ERICH1: variants seen among roughly 807,000 people sequenced by gnomAD.
The protein encoded by ERICH1 is glutamate-rich protein 1.
A neutral mutation model predicts 39.6 loss-of-function variants in ERICH1; 56 were observed. That is an observed-to-expected ratio of 1.41 (90% CI 1.14 to 1.77). The LOEUF (loss-of-function observed/expected upper bound fraction) is 1.77, where lower values mean the gene tolerates loss of function less well. ERICH1 is among the 40% of genes most tolerant of loss of function. The pLI is 0.00. For missense variants in ERICH1, 826 were observed against 575.4 expected, an observed-to-expected ratio of 1.44 and a Z score of -4.45; for synonymous variants, 313 against 223.6, an observed-to-expected ratio of 1.40 and a Z score of -3.57.
chr8:687,459 C>T (rs1305247229), intron 3 of ERICH1, among the ~76,000 whole-genome samples: 3 of 152,246 alleles, frequency 2.0e-5, no homozygotes, highest in Admixed American at 6.5e-5. Flanking sequence ...GACGGTCTGG[C>T]ACAACAAACG....
rs1450646877 is a variant in ERICH1, at chr8:729,563, G to T, written c.22+1577C>A. Among the ~76,000 whole-genome samples, 4 of 152,322 alleles carry T rather than the reference G, an allele frequency of 2.6e-5. No homozygotes were observed. In the South Asian group the frequency reaches 6.2e-4, roughly 24 times the overall value. On this transcript the variant is annotated intron_variant, in intron 1 of 5. Coordinates refer to ENST00000262109, the MANE Select transcript of ERICH1 (RefSeq NM_207332.3). The stretch of plus-strand genomic sequence containing the variant: ...CTCAGAGCCTAAGTGCCACTCAGCC[G>T]ATGGGCTCTTCAGGTGATCTTGAGG...
chr8:658,976 A>C, intron 3 of ERICH1, among the ~76,000 whole-genome samples: 1 of 152,248 alleles, frequency 6.6e-6, no homozygotes, highest in Admixed American at 6.5e-5. Context: ...TCATCTTGGT[A>C]GGGTCCCCAC....
intron 3 of ERICH1, among the ~76,000 whole-genome samples, chr8:689,175 G>C (rs1306436266): frequency 6.6e-6 from 1 of 152,030 alleles, no homozygotes; most frequent in Admixed American, 6.5e-5. Context: ...GCAGTGGTAT[G>C]ATCTCGGCTC....
intron 3 of ERICH1, chr8:615,287 G>A: frequency 1.4e-6 from 1 of 691,074 alleles, no homozygotes. Context: ...TAGGACTCCT[G>A]GAAAATCAGG....
chr8:661,030 C>G (rs1311058616), downstream of ERICH1, among the ~76,000 whole-genome samples: 2 of 152,166 alleles, frequency 1.3e-5, no homozygotes, highest in East Asian at 1.9e-4. Flanking sequence ...GGACCAAAGC[C>G]CTAAGTAACC....
intron 5 of ERICH1, among the ~76,000 whole-genome samples, chr8:665,413 C>G (rs1202078547): frequency 6.6e-6 from 1 of 152,214 alleles, no homozygotes; most frequent in East Asian, 1.9e-4. Flanking sequence ...CTTGTCCGGG[C>G]ACCAAATGTT....
At chr8:622,096 C>T (rs922073663) in intron 3 of ERICH1, among the ~76,000 whole-genome samples, 2 of 152,096 alleles carry the variant, frequency 1.3e-5, no homozygotes, top group Non-Finnish European at 2.9e-5. Flanking sequence ...GGCATGTGCA[C>T]CTGTAGTCTT....
Position 644,421 on chromosome 8 carries a change from C to T in ERICH1, c.976+24177G>A, listed in dbSNP as rs1487066770. ...AGGAAGATTCTTTAGTGAGATTTTA[C>T]TATGAAAGAGGAGACTTACCCGTGA... is the stretch of plus-strand genomic sequence containing the variant. On this transcript the variant is annotated intron_variant, in intron 3 of 3. Transcript: ENST00000522706. Among the ~76,000 whole-genome samples the T allele has an allele frequency of 7.9e-4, 12 of 15,226 alleles. 3 individuals carry two copies. Among genetic ancestry groups the T allele is most frequent in the African/African-American group, 1.4e-3 (12 of 8,774 alleles). 10.0% of individuals were successfully genotyped at this position (15,226 alleles called of 152,430 possible). A position where few individuals can be genotyped will look rare whatever the true frequency, so the allele number is the denominator to read the frequency against.
chr8:708,681 G>GTTTTTTGTTTTT lies in ERICH1; in HGVS notation c.169+7179_169+7180insAAAAACAAAAAA. Among the ~76,000 whole-genome samples, 40 of 65,774 alleles carry GTTTTTTGTTTTT rather than the reference G, an allele frequency of 6.1e-4. 2 individuals are homozygous for GTTTTTTGTTTTT. Among genetic ancestry groups the GTTTTTTGTTTTT allele is most frequent in the Non-Finnish European group, 8.9e-4 (30 of 33,646 alleles). The allele number at this position is 65,774 out of a possible 152,430, so 43.2% of individuals were successfully genotyped here. ...GGGCTGAGTGGTTACGGGATAATGAGTTTTTTTTTTTTTTTTTTTTTTTTT... is the reference window on the plus strand; with the variant it reads ...GGGCTGAGTGGTTACGGGATAATGAGTTTTTTGTTTTTTTTTTTTTTTTTTTTTTTTTTTTTT... On this transcript the variant is annotated intron_variant, in intron 2 of 5. Coordinates refer to ENST00000262109, the MANE Select transcript of ERICH1 (RefSeq NM_207332.3).
chr8:705,739 G>T (rs1813124662), intron 2 of ERICH1, among the ~76,000 whole-genome samples: 1 of 152,198 alleles, frequency 6.6e-6, no homozygotes, highest in South Asian at 2.1e-4. Flanking sequence ...GACAGGGAAA[G>T]TACAACTATC....
intron 2 of ERICH1, among the ~76,000 whole-genome samples, chr8:698,324 C>T (rs1345173207): frequency 6.6e-6 from 1 of 151,824 alleles, no homozygotes. Context: ...GTTCCAGCGA[C>T]TCTCATTCCT....
At chr8:686,228 A>G (rs1335010219) in intron 3 of ERICH1, among the ~76,000 whole-genome samples, 1 of 152,178 alleles carries the variant, frequency 6.6e-6, no homozygotes, top group Non-Finnish European at 1.5e-5. Context: ...AACAAATATT[A>G]ATATCTAGTA....
chr8:651,881 T>C (rs933747489), intron 3 of ERICH1, among the ~76,000 whole-genome samples: 1 of 152,150 alleles, frequency 6.6e-6, no homozygotes, highest in African/African-American at 2.4e-5. Context: ...TAAGAGAAAG[T>C]GTGTTTCATT....
At chr8:674,208 A>G (rs1168126271) in intron 3 of ERICH1, among the ~76,000 whole-genome samples, 161 bp from the exon 4 acceptor site, 1 of 151,950 alleles carries the variant, frequency 6.6e-6, no homozygotes, top group Non-Finnish European at 1.5e-5. Flanking sequence ...AGATCCTAGG[A>G]CTAACGTAAT....
At chr8:635,914 G>C (rs1423509901) in intron 3 of ERICH1, among the ~76,000 whole-genome samples, 1 of 152,234 alleles carries the variant, frequency 6.6e-6, no homozygotes, top group Non-Finnish European at 1.5e-5. Context: ...CTTGCAAGCG[G>C]CTCTTACGCG....
chr8:663,903 G>C (rs59194076), downstream of ERICH1, among the ~76,000 whole-genome samples: 1,165 of 152,188 alleles, frequency 7.7e-3, 16 homozygotes, highest in African/African-American at 0.026. Flanking sequence ...GGGACTACAG[G>C]CGCCCGCCAC....
chr8:697,206 C>T (rs2132127908), intron 2 of ERICH1, among the ~76,000 whole-genome samples: 1 of 152,336 alleles, frequency 6.6e-6, no homozygotes, highest in East Asian at 1.9e-4. Flanking sequence ...CATGGCCTGT[C>T]TTGGTGCTGA....
At chr8:684,714 G>A (rs1162835594) in intron 3 of ERICH1, among the ~76,000 whole-genome samples, 3 of 152,184 alleles carry the variant, frequency 2.0e-5, no homozygotes, top group East Asian at 3.8e-4. Context: ...GAGAAATAAA[G>A]GGAAAGAGTA....
intron 1 of ERICH1, among the ~76,000 whole-genome samples, chr8:729,221 C>G (rs1417017210): frequency 7.9e-5 from 12 of 152,240 alleles, no homozygotes; most frequent in Admixed American, 7.9e-4. Context: ...CAAGTCAGTT[C>G]TGTGTGGGGT....
Sources: gnomAD v4.1 joint callset for allele counts (sites outside exome capture counted in the v4.1 genomes callset) on GRCh38, gnomAD v4.1.1 for gene constraint, MANE v1.5 for transcripts, NCBI Gene and HGNC (gene_info 2026-07-23, HGNC 2026-07-21) for gene names.